OLA1: variants seen among roughly 807,000 people sequenced by gnomAD.
The protein encoded by OLA1 is obg-like ATPase 1.
Under a neutral mutation model 48.4 loss-of-function variants are expected in OLA1, and 14 were observed. That is an observed-to-expected ratio of 0.29 (90% CI 0.19 to 0.45). The LOEUF is 0.45. OLA1 is among the 20% of genes least tolerant of loss of function. The pLI is 1.00. For synonymous variants in OLA1, 127 were observed against 150.4 expected, an observed-to-expected ratio of 0.84 and a Z score of 1.14; for missense variants, 325 against 467.1, an observed-to-expected ratio of 0.70 and a Z score of 2.80.
chr2:174,167,782 C>G (rs560488578), intron 4 of OLA1, among the ~76,000 whole-genome samples: 1 of 152,284 alleles, frequency 6.6e-6, no homozygotes, highest in Non-Finnish European at 1.5e-5. Context: ...AACCCACTGT[C>G]TTAGTATGCA....
chr2:174,115,551 A>G (rs905554158), intron 7 of OLA1, among the ~76,000 whole-genome samples: 1 of 152,252 alleles, frequency 6.6e-6, no homozygotes, highest in African/African-American at 2.4e-5. Flanking sequence ...GTATGTACTT[A>G]AATAAAAACA....
chr2:174,206,535 C>T (rs1034848293), intron 4 of OLA1, among the ~76,000 whole-genome samples: 2 of 152,020 alleles, frequency 1.3e-5, no homozygotes, highest in Non-Finnish European at 2.9e-5. Flanking sequence ...AGAAGACCTT[C>T]AAAAACATGT....
chr2:174,206,898 C>T (rs1020803744), intron 4 of OLA1, among the ~76,000 whole-genome samples: 6 of 152,040 alleles, frequency 3.9e-5, no homozygotes, highest in African/African-American at 1.2e-4. Flanking sequence ...ATAAATACTG[C>T]TGAAAAAGAA....
intron 4 of OLA1, among the ~76,000 whole-genome samples, chr2:174,216,562 T>G (rs1016632503): frequency 1.3e-5 from 2 of 152,128 alleles, no homozygotes; most frequent in Non-Finnish European, 2.9e-5. Flanking sequence ...TCTCTTACTT[T>G]TTATTTTTAA....
At chr2:174,077,785 G>C (rs948268418) in intron 10 of OLA1, among the ~76,000 whole-genome samples, 4 of 151,896 alleles carry the variant, frequency 2.6e-5, no homozygotes, top group Non-Finnish European at 5.9e-5. Flanking sequence ...CTGAATTCTA[G>C]TAATAGAAAA....
rs1459222679 is a variant in OLA1, at chr2:174,078,905, A to G, written c.1089+63T>C. ...TAAAAGATAATTATCATTCATTTTT[A>G]TCATGACTAACTTCGCATCAGTGGA... On this transcript the variant is annotated intron_variant, in intron 10 of 10. Coordinates refer to ENST00000284719, the MANE Select transcript of OLA1 (RefSeq NM_013341.5). 2.0e-6 allele frequency: 3 copies of G among 1,495,104 alleles called. No homozygotes were observed. The East Asian group carries it at 6.9e-5, about 34-fold the overall frequency. The allele number at this position is 1,495,104 out of a possible 1,614,324, so 92.6% of individuals were successfully genotyped here.
chr2:174,123,542 C>A, intron 6 of OLA1, 53 bp downstream of exon 6: 1 of 1,070,732 alleles, frequency 9.3e-7, no homozygotes, highest in South Asian at 1.5e-5. Context: ...TAATTTGTTC[C>A]CTAGCAAATG....
chr2:174,187,671 G>A (rs1251122578), intron 4 of OLA1, among the ~76,000 whole-genome samples: 2 of 152,176 alleles, frequency 1.3e-5, no homozygotes, highest in African/African-American at 2.4e-5. Context: ...ACTTTCCTCC[G>A]ATGTGACTTC....
At chr2:174,122,580 T>C (rs1685937588) in intron 7 of OLA1, among the ~76,000 whole-genome samples, 2 of 152,198 alleles carry the variant, frequency 1.3e-5, no homozygotes, top group South Asian at 2.1e-4. Flanking sequence ...CACAGGTACA[T>C]GAACATATAA....
At chr2:174,103,139 G>C (rs1685434783) in intron 7 of OLA1, among the ~76,000 whole-genome samples, 1 of 152,128 alleles carries the variant, frequency 6.6e-6, no homozygotes, top group African/African-American at 2.4e-5. Flanking sequence ...AGGAGAGAGA[G>C]ATGAACTACT....
intron 4 of OLA1, among the ~76,000 whole-genome samples, chr2:174,176,710 G>A (rs1267745831): frequency 1.3e-5 from 2 of 152,100 alleles, no homozygotes; most frequent in African/African-American, 2.4e-5. Flanking sequence ...CACCTAGAGA[G>A]ACAAAGAGCT....
intron 4 of OLA1, among the ~76,000 whole-genome samples, chr2:174,189,107 T>C (rs1172296392): frequency 1.3e-5 from 2 of 152,148 alleles, no homozygotes; most frequent in Admixed American, 6.5e-5. Flanking sequence ...AATATAGACT[T>C]TTTAATACAC....
chr2:174,225,037 T>G (rs1037078592), intron 3 of OLA1, among the ~76,000 whole-genome samples: 1 of 152,162 alleles, frequency 6.6e-6, no homozygotes, highest in African/African-American at 2.4e-5. Flanking sequence ...ATGTGATGCG[T>G]AATGGTGGAG....
chr2:174,153,307 A>G (rs182618787), intron 4 of OLA1, among the ~76,000 whole-genome samples: 26 of 152,220 alleles, frequency 1.7e-4, no homozygotes, highest in South Asian at 4.1e-4. Context: ...AAAAATTGTT[A>G]TTTTCTTCTA....
chr2:174,186,504 C>T (rs1687658082), intron 4 of OLA1, among the ~76,000 whole-genome samples: 1 of 152,164 alleles, frequency 6.6e-6, no homozygotes, highest in African/African-American at 2.4e-5. Flanking sequence ...AAAAAAGACC[C>T]TCTTAGTCCT....
At position 174,104,633 on chromosome 2, in the gene OLA1, G is replaced by T. The variant is rs184242500; in HGVS notation, c.728+18547C>A. On this transcript the variant is annotated intron_variant, in intron 7 of 10. Transcript: ENST00000284719. ...TACAATCTGTCCATTTTGTGGGATG[G>T]TTATGCAGTTTTTTCCATGTTTTAA... 4.0e-3 allele frequency among the ~76,000 whole-genome samples: 606 copies of T among 152,052 alleles called. 2 individuals carry two copies. The highest frequency in any genetic ancestry group is 0.014 in the Middle Eastern group (4 of 294).
chr2:174,177,113 G>A (rs1183657300), intron 4 of OLA1, among the ~76,000 whole-genome samples: 1 of 151,968 alleles, frequency 6.6e-6, no homozygotes, highest in Non-Finnish European at 1.5e-5. Context: ...GCCTTTCAAA[G>A]GTGAATCATT....
rs540394372 is a variant in OLA1 at position 174,139,648 on chromosome 2, C to T, written c.549+2177G>A. Among the ~76,000 whole-genome samples, 10 of 152,184 alleles carry T rather than the reference C, an allele frequency of 6.6e-5. No homozygotes were observed. The South Asian group carries it at 8.3e-4, about 13-fold the overall frequency. On this transcript the variant is annotated intron_variant, in intron 5 of 10. Transcript: ENST00000284719. Reference sequence around the variant, plus strand: ...TCGGGAGGCCGAGGTGGGTGGATCACGAGGTCAGGGGTTTGACACCAGCCT... The same window carrying T: ...TCGGGAGGCCGAGGTGGGTGGATCATGAGGTCAGGGGTTTGACACCAGCCT...
intron 7 of OLA1, among the ~76,000 whole-genome samples, chr2:174,109,491 A>G (rs1017335385): frequency 3.3e-5 from 5 of 152,252 alleles, no homozygotes; most frequent in African/African-American, 1.2e-4. Context: ...TCAACCAGAT[A>G]TGGCTTTAAC....
Sources: allele counts gnomAD v4.1 joint callset (sites outside exome capture counted in the v4.1 genomes callset), GRCh38; gene constraint gnomAD v4.1.1; transcripts MANE v1.5; gene names NCBI Gene and HGNC (gene_info 2026-07-23, HGNC 2026-07-21).